The following CTNNA3 variants were observed in gnomAD, a reference collection of about 807,000 sequenced individuals.
The protein encoded by CTNNA3 is catenin alpha 3.
In CTNNA3, 76 loss-of-function variants were observed where a neutral mutation model predicts 95.7. The ratio of observed to expected loss-of-function variants is 0.79; its 90% CI spans 0.66 to 0.96. The LOEUF (loss-of-function observed/expected upper bound fraction) is 0.96, where lower values mean the gene tolerates loss of function less well. CTNNA3 is among the 40% of genes least tolerant of loss of function. The probability of loss-of-function intolerance (pLI) is 0.00; values close to 1 mark genes in which losing one functional copy is unlikely to be tolerated. For missense variants in CTNNA3, 1,191 were observed against 1,089.8 expected, an observed-to-expected ratio of 1.09 and a Z score of -1.31; for synonymous variants, 431 against 374.4, an observed-to-expected ratio of 1.15 and a Z score of -1.74.
intron 1 of CTNNA3, among the ~76,000 whole-genome samples, chr10:67,762,726 T>C (rs1841468819): frequency 6.6e-6 from 1 of 152,112 alleles, no homozygotes; most frequent in African/African-American, 2.4e-5. Context: ...AGAAATGAAA[T>C]CCACAGGCAG....
intron 7 of CTNNA3, among the ~76,000 whole-genome samples, chr10:67,044,106 C>G (rs746230113): frequency 6.6e-6 from 1 of 151,860 alleles, no homozygotes; most frequent in African/African-American, 2.4e-5. Context: ...CTCTTTCCCC[C>G]CAACTAGTCG....
chr10:67,051,710 T>C (rs1461479443), intron 7 of CTNNA3, among the ~76,000 whole-genome samples: 1 of 146,214 alleles, frequency 6.8e-6, no homozygotes, highest in Non-Finnish European at 1.5e-5. Flanking sequence ...GGCCCACACA[T>C]CTTTATACAA....
chr10:67,577,390 T>C (rs1405229119), intron 3 of CTNNA3, among the ~76,000 whole-genome samples: 1 of 152,126 alleles, frequency 6.6e-6, no homozygotes, highest in African/African-American at 2.4e-5. Flanking sequence ...TGTTTTTTTC[T>C]TGTAAATTTG....
chr10:67,724,257 A>T (rs1390381611), intron 1 of CTNNA3, among the ~76,000 whole-genome samples: 2 of 152,136 alleles, frequency 1.3e-5, no homozygotes, highest in Non-Finnish European at 2.9e-5. Flanking sequence ...TAGAAAACAG[A>T]TCCTTAGGAT....
At chr10:67,128,051 AT>A (rs1859807587) in intron 7 of CTNNA3, among the ~76,000 whole-genome samples, 1 of 152,130 alleles carries the variant, frequency 6.6e-6, no homozygotes, top group African/African-American at 2.4e-5. Flanking sequence ...CTCTGGAGTC[AT>A]TCTTGACTCC....
At chr10:66,951,641 T>C (rs935898780) in intron 7 of CTNNA3, among the ~76,000 whole-genome samples, 1 of 143,872 alleles carries the variant, frequency 7.0e-6, no homozygotes. Flanking sequence ...TCCAAATTCT[T>C]AACCACACTA....
At chr10:66,767,745 C>T (rs550123204) in intron 8 of CTNNA3, among the ~76,000 whole-genome samples, 1 of 152,206 alleles carries the variant, frequency 6.6e-6, no homozygotes, top group East Asian at 1.9e-4. Context: ...GTACTGTCTT[C>T]TATAATGATC....
At chr10:67,533,543 T>C (rs1256707036) in intron 4 of CTNNA3, among the ~76,000 whole-genome samples, 1 of 152,226 alleles carries the variant, frequency 6.6e-6, no homozygotes, top group African/African-American at 2.4e-5. Flanking sequence ...AGCACTTTTT[T>C]CCTCTGTCCC....
chr10:66,294,707 A>C (rs2132206691), intron 12 of CTNNA3, among the ~76,000 whole-genome samples: 1 of 152,260 alleles, frequency 6.6e-6, no homozygotes, highest in Admixed American at 6.5e-5. Flanking sequence ...GGTAATGCAA[A>C]GGAAGAATTC....
At chr10:66,922,328 G>T (rs548431256) in intron 7 of CTNNA3, among the ~76,000 whole-genome samples, 15 of 152,210 alleles carry the variant, frequency 9.9e-5, no homozygotes, top group African/African-American at 3.1e-4. Context: ...TAATCAGCTC[G>T]CTATAGTCGA....
intron 5 of CTNNA3, among the ~76,000 whole-genome samples, chr10:67,263,706 A>G (rs953114917): frequency 6.6e-6 from 1 of 152,154 alleles, no homozygotes; most frequent in Admixed American, 6.6e-5. Flanking sequence ...GTGAAATTCT[A>G]TAAAATGCCA....
intron 11 of CTNNA3, among the ~76,000 whole-genome samples, chr10:66,450,123 T>C (rs1421210857): frequency 2.6e-5 from 4 of 152,090 alleles, no homozygotes; most frequent in Non-Finnish European, 5.9e-5. Flanking sequence ...TGAAAGCAGT[T>C]AACATCCCCA....
At chr10:65,940,472 A>T (rs2077411857) in intron 17 of CTNNA3, among the ~76,000 whole-genome samples, 1 of 152,200 alleles carries the variant, frequency 6.6e-6, no homozygotes, top group South Asian at 2.1e-4. Flanking sequence ...CTCTGATGTT[A>T]TTATAGATTA....
chr10:67,590,759 A>G (rs1381389309), intron 3 of CTNNA3, among the ~76,000 whole-genome samples: 1 of 152,014 alleles, frequency 6.6e-6, no homozygotes, highest in Non-Finnish European at 1.5e-5. Context: ...AAGGTTCGCT[A>G]TATGTTCTTG....
At chr10:66,965,227 T>C (rs1014806993) in intron 7 of CTNNA3, among the ~76,000 whole-genome samples, 27 of 151,256 alleles carry the variant, frequency 1.8e-4, no homozygotes, top group Admixed American at 4.6e-4. Context: ...CTGGGTTTTT[T>C]TGGGGTTTTT....
intron 7 of CTNNA3, among the ~76,000 whole-genome samples, chr10:67,091,317 T>C (rs10740266): frequency 0.2 from 30,372 of 151,872 alleles, 5,005 homozygotes; most frequent in African/African-American, 0.46. Context: ...AAATTGAGAA[T>C]TTAAAGACAG....
At chr10:66,446,549 T>C (rs995580484) in intron 11 of CTNNA3, among the ~76,000 whole-genome samples, 20 of 151,656 alleles carry the variant, frequency 1.3e-4, no homozygotes, top group Non-Finnish European at 1.0e-4. Flanking sequence ...TAATCCAGCA[T>C]ATAAACAGAA....
rs1466417211 is a variant in CTNNA3, at chr10:65,915,952, T to C, written c.*4378A>G. ...GTTAGTAGCCTCATTCAAAACATTT[T>C]TAACTACAACTAGTTTTAATAGCAT... On this transcript the variant is annotated 3_prime_UTR_variant, in exon 18 of 18. Transcript: ENST00000433211. 6.6e-6 allele frequency: 1 copy of C among 152,200 alleles called. No homozygotes were observed. The highest frequency in any genetic ancestry group is 1.5e-5 in the Non-Finnish European group (1 of 68,034). 9.4% of individuals were successfully genotyped at this position (152,200 alleles called of 1,614,324 possible). A position where few individuals can be genotyped will look rare whatever the true frequency, so the allele number is the denominator to read the frequency against.
At chr10:67,564,365 C>G (rs1355353569) in intron 3 of CTNNA3, among the ~76,000 whole-genome samples, 1 of 148,790 alleles carries the variant, frequency 6.7e-6, no homozygotes, top group Non-Finnish European at 1.5e-5. Context: ...GAGCTGGTAA[C>G]CACCATTCTG....
Sources: gnomAD v4.1 joint callset for allele counts (sites outside exome capture counted in the v4.1 genomes callset) on GRCh38, gnomAD v4.1.1 for gene constraint, MANE v1.5 for transcripts, NCBI Gene and HGNC (gene_info 2026-07-23, HGNC 2026-07-21) for gene names.